Variants in CARD6 observed in about 807,000 individuals in gnomAD.
CARD6 encodes the protein caspase recruitment domain family member 6.
A neutral mutation model predicts 23.6 loss-of-function variants in CARD6; 27 were observed. The ratio of observed to expected loss-of-function variants is 1.14; its 90% CI spans 0.84 to 1.58. The LOEUF (loss-of-function observed/expected upper bound fraction) is 1.58, where lower values mean the gene tolerates loss of function less well. Among genes scored for constraint, CARD6 ranks in the 40% most tolerant of loss-of-function variants. CARD6 has a pLI of 0.00. For missense variants in CARD6, 1,214 were observed against 1,209.9 expected, an observed-to-expected ratio of 1.00 and a Z score of -0.05; for synonymous variants, 397 against 431.8, an observed-to-expected ratio of 0.92 and a Z score of 1.00.
intron 2 of CARD6, among the ~76,000 whole-genome samples, chr5:40,846,633 G>A (rs1017758201): frequency 1.3e-5 from 2 of 152,070 alleles, no homozygotes; most frequent in East Asian, 3.9e-4. Flanking sequence ...TGGTAGCTTC[G>A]TGCATTCCTT....
At chr5:40,850,324 G>A (rs1455096348) in intron 2 of CARD6, among the ~76,000 whole-genome samples, 3 of 144,532 alleles carry the variant, frequency 2.1e-5, no homozygotes, top group African/African-American at 7.7e-5. Flanking sequence ...TGAGGCAGGA[G>A]AATCGCTTGA....
intron 2 of CARD6, among the ~76,000 whole-genome samples, chr5:40,844,630 A>T (rs1745936635): frequency 6.6e-6 from 1 of 152,210 alleles, no homozygotes; most frequent in Non-Finnish European, 1.5e-5. Context: ...TGAGTAGAGG[A>T]TGAAAATGTA....
In CARD6 at chr5:40,841,610, C is replaced by G; in HGVS notation, c.228C>G (p.Leu76=). 6.2e-7 allele frequency: 1 copy of G among 1,614,042 alleles called. No individual in the cohort carries two copies. Among genetic ancestry groups the G allele is most frequent in the Non-Finnish European group, 8.5e-7 (1 of 1,179,994 alleles). Residue 76 remains leucine (L), a synonymous_variant, in exon 1 of 3, where the codon CTC becomes CTG. Transcript: ENST00000254691. The stretch of plus-strand genomic sequence containing the variant: ...GAGAGGCGACCTGTCAGCATTTTCT[C>G]AAGTGTTTATTTAGTACTTTTCCAC... ...KKGEATCQHF[L]KCLFSTFPQS...
intron 2 of CARD6, among the ~76,000 whole-genome samples, chr5:40,845,339 C>T (rs1745948375): frequency 6.6e-6 from 1 of 152,094 alleles, no homozygotes; most frequent in African/African-American, 2.4e-5. Flanking sequence ...AAAAGGACAC[C>T]AGTCATATTG....
intron 2 of CARD6, among the ~76,000 whole-genome samples, chr5:40,844,567 A>G (rs1745935234): frequency 6.6e-6 from 1 of 152,226 alleles, no homozygotes; most frequent in African/African-American, 2.4e-5. Context: ...TCAAAATATG[A>G]GAAGTGTTTC....
chr5:40,849,321 A>T (rs1221259082), intron 2 of CARD6, among the ~76,000 whole-genome samples: 1 of 152,030 alleles, frequency 6.6e-6, no homozygotes, highest in Non-Finnish European at 1.5e-5. Context: ...CTGGCTGAAG[A>T]AGTAGAGAAT....
chr5:40,848,366 C>A (rs1324762558), intron 2 of CARD6, among the ~76,000 whole-genome samples: 1 of 151,978 alleles, frequency 6.6e-6, no homozygotes, highest in Non-Finnish European at 1.5e-5. Context: ...CAGGCACAGA[C>A]CGCCAGGCCT....
chr5:40,841,707 G>T (rs1484177036), intron 1 of CARD6, 42 bp downstream of exon 1: 3 of 1,404,366 alleles, frequency 2.1e-6, no homozygotes, highest in Non-Finnish European at 1.9e-6. Flanking sequence ...GAGGAAGGGG[G>T]CAGACTTTCT....
At position 40,852,800 on chromosome 5, in the gene CARD6, G is replaced by T. The variant is rs1364497634; in HGVS notation, c.1468G>T (p.Asp490Tyr). ...ATTACACAAAATCTTTCTTCATCAA[G>T]ATTTGCCTCTTTTGGTGCTTCCCCG... Reference protein sequence around the residue: ...LKLHKIFLHQDLPLLVLPRQI... With the variant: ...LKLHKIFLHQYLPLLVLPRQI... The change falls in exon 3 of 3, where the codon GAT (aspartate) becomes TAT (tyrosine). Residue 490 changes from aspartate (D) to tyrosine (Y), a missense_variant. Physicochemically the swap from Asp to Tyr is radical, Grantham distance 160. Coordinates refer to ENST00000254691, the MANE Select transcript of CARD6 (RefSeq NM_032587.4). The T allele has an allele frequency of 6.2e-7, 1 of 1,614,152 alleles. No individual in the cohort carries two copies. Among genetic ancestry groups the T allele is most frequent in the African/African-American group, 1.3e-5 (1 of 75,042 alleles).
intron 2 of CARD6, among the ~76,000 whole-genome samples, chr5:40,849,462 C>T (rs1214948336): frequency 2.0e-5 from 3 of 152,050 alleles, no homozygotes; most frequent in African/African-American, 7.2e-5. Context: ...ACCTTTTTGC[C>T]CCAACACATA....
Position 40,853,861 on chromosome 5 carries a change from G to A in CARD6, c.2529G>A (p.Arg843=), listed in dbSNP as rs1289812170. 1 of 1,614,042 alleles carries A rather than the reference G, an allele frequency of 6.2e-7. No homozygotes were observed. The highest frequency in any genetic ancestry group is 1.3e-5 in the African/African-American group (1 of 74,902). The change falls in exon 3 of 3, where the codon AGG becomes AGA. Residue 843 remains arginine, a synonymous_variant. Transcript: ENST00000254691. ...PQMMGTLERS[R]AVASKIGHSY... Reference sequence around the variant, plus strand: ...TGATGGGAACTCTTGAAAGGTCTAGGGCAGTAGCCTCCAAGATAGGTCACT... The same window carrying A: ...TGATGGGAACTCTTGAAAGGTCTAGAGCAGTAGCCTCCAAGATAGGTCACT...
intron 2 of CARD6, among the ~76,000 whole-genome samples, chr5:40,845,944 G>A (rs1388240592): frequency 1.3e-5 from 2 of 152,012 alleles, no homozygotes; most frequent in African/African-American, 2.4e-5. Flanking sequence ...CTGTGATGAG[G>A]TGGTTGAAGG....
intron 2 of CARD6, among the ~76,000 whole-genome samples, chr5:40,846,375 G>A (rs1339529668): frequency 2.6e-5 from 4 of 151,990 alleles, no homozygotes; most frequent in Non-Finnish European, 4.4e-5. Flanking sequence ...GTGGAGGGGG[G>A]GAGACAGAGA....
At position 40,852,440 on chromosome 5, in the gene CARD6, AT is replaced by A; in HGVS notation, c.1109del (p.Ile370AsnfsTer50). The A allele has an allele frequency of 6.2e-7, 1 of 1,614,192 alleles. No individual in the cohort carries two copies. The highest frequency in any genetic ancestry group is 8.5e-7 in the Non-Finnish European group (1 of 1,180,042). ...AGVENLEIRDIQTINPLDVLC... is the reference protein window; with the variant it reads ...AGVENLEIRDXQTINPLDVLC... ...AGTGGAGAATTTGGAAATTCGAGAC[AT>A]ACAAACCATTAATCCCCTTGACGTG... On this transcript the variant is annotated frameshift_variant, in exon 3 of 3. Transcript: ENST00000254691. LOFTEE classifies it low-confidence loss of function (END_TRUNC).
Position 40,853,481 on chromosome 5 carries a change from A to C in CARD6, c.2149A>C (p.Asn717His), listed in dbSNP as rs751779568. ...TQCELSQNLQ[N>H]LYGTPVFRPV... Reference sequence around the variant, plus strand: ...ATGTGAGCTCAGCCAGAATCTTCAGAATCTCTATGGTACCCCAGTATTCAG... The same window carrying C: ...ATGTGAGCTCAGCCAGAATCTTCAGCATCTCTATGGTACCCCAGTATTCAG... Residue 717 changes from asparagine (N) to histidine (H), a missense_variant, in exon 3 of 3, where the codon AAT becomes CAT. Physicochemically the swap from Asn to His is moderately conservative, Grantham distance 68. Transcript: ENST00000254691. 6.2e-6 allele frequency: 10 copies of C among 1,614,064 alleles called. No homozygotes were observed. In the South Asian group the frequency reaches 9.9e-5, roughly 16 times the overall value.
At position 40,853,124 on chromosome 5, in the gene CARD6, A is replaced by T; in HGVS notation, c.1792A>T (p.Arg598Trp). 6.2e-7 allele frequency: 1 copy of T among 1,614,116 alleles called. No individual in the cohort carries two copies. Reference protein sequence around the residue: ...RESEEAQIFQRILNLKPAQLL... With the variant: ...RESEEAQIFQWILNLKPAQLL... Reference sequence around the variant, plus strand: ...GAGTGAAGAGGCTCAAATTTTTCAGAGGATACTGAACTTGAAGCCAGCACA... The same window carrying T: ...GAGTGAAGAGGCTCAAATTTTTCAGTGGATACTGAACTTGAAGCCAGCACA... Residue 598 changes from arginine to tryptophan, a missense_variant, in exon 3 of 3, where the codon AGG becomes TGG. By Grantham distance (101) the Arg-to-Trp change is moderately radical. Transcript: ENST00000254691.
intron 2 of CARD6, among the ~76,000 whole-genome samples, chr5:40,850,513 G>A (rs576996073): frequency 2.1e-5 from 3 of 145,642 alleles, no homozygotes; most frequent in African/African-American, 5.1e-5. Context: ...TCAGGAGTTC[G>A]AGACCAGCCT....
Position 40,854,340 on chromosome 5 carries a change from A to G in CARD6, c.3008A>G (p.Lys1003Arg), listed in dbSNP as rs1173997935. Reference sequence around the variant, plus strand: ...AGCCAGCCCTGGCCTCCCCAGTCTAAGCCTTCTCAGCCCAGACCCCCTCAA... The same window carrying G: ...AGCCAGCCCTGGCCTCCCCAGTCTAGGCCTTCTCAGCCCAGACCCCCTCAA... Reference protein sequence around the residue: ...KPSQPWPPQSKPSQPRPPQPK... With the variant: ...KPSQPWPPQSRPSQPRPPQPK... Residue 1003 changes from lysine to arginine, a missense_variant, in exon 3 of 3, where the codon AAG becomes AGG. By Grantham distance (26) the Lys-to-Arg change is conservative (BLOSUM62 2). Transcript: ENST00000254691. 2 of 1,614,148 alleles carry G rather than the reference A, an allele frequency of 1.2e-6. No homozygotes were observed. Among genetic ancestry groups the G allele is most frequent in the Admixed American group, 1.7e-5 (1 of 60,022 alleles).
chr5:40,853,761 AC>A lies in CARD6; in HGVS notation c.2430del (p.Ser811ArgfsTer25). ...MKFSRVARGC[H>X]SNGTFGRLPR... ...TTTTCCAGAGTTGCTCGGGGATGTC[AC>A]TCGAATGGAACATTTGGGAGACTGC... On this transcript the variant is annotated frameshift_variant, in exon 3 of 3. Coordinates refer to ENST00000254691, the MANE Select transcript of CARD6 (RefSeq NM_032587.4). LOFTEE classifies it low-confidence loss of function (END_TRUNC). 3 of 1,614,166 alleles carry A rather than the reference AC, an allele frequency of 1.9e-6. No homozygotes were observed. The highest frequency in any genetic ancestry group is 2.5e-6 in the Non-Finnish European group (3 of 1,180,024).
Sources: allele counts gnomAD v4.1 joint callset (sites outside exome capture counted in the v4.1 genomes callset), GRCh38; gene constraint gnomAD v4.1.1; transcripts MANE v1.5; gene names NCBI Gene and HGNC (gene_info 2026-07-23, HGNC 2026-07-21).